Variants in ENC1 observed in about 807,000 individuals in gnomAD.
ENC1 encodes ectoderm-neural cortex protein 1.
In ENC1, 19 loss-of-function variants were observed where a neutral mutation model predicts 40.9. The observed-to-expected ratio is 0.46, with a 90% confidence interval of 0.32 to 0.68. The LOEUF is 0.68. Among genes scored for constraint, ENC1 ranks in the 30% least tolerant of loss-of-function variants. The pLI is 0.03. For missense variants in ENC1, 479 were observed against 737.5 expected, an observed-to-expected ratio of 0.65 and a Z score of 4.06; for synonymous variants, 285 against 291.1, an observed-to-expected ratio of 0.98 and a Z score of 0.21.
Position 74,628,557 on chromosome 5 carries a change from G to C in ENC1, c.*1468C>G, listed in dbSNP as rs1273489877. On this transcript the variant is annotated 3_prime_UTR_variant, in exon 3 of 3. Coordinates refer to ENST00000302351, the MANE Select transcript of ENC1 (RefSeq NM_003633.4). The stretch of plus-strand genomic sequence containing the variant: ...CTCTACCGGAAAACTTCTCAATAGG[G>C]GCCACTGCCTACAATTCTTTGGTGT... The C allele has an allele frequency of 6.6e-6, 1 of 152,508 alleles. No individual in the cohort carries two copies. Among genetic ancestry groups the C allele is most frequent in the Non-Finnish European group, 1.5e-5 (1 of 68,032 alleles). The allele number at this position is 152,508 out of a possible 1,614,324, so 9.4% of individuals were successfully genotyped here. A position where few individuals can be genotyped will look rare whatever the true frequency, so the allele number is the denominator to read the frequency against.
intron 2 of ENC1, among the ~76,000 whole-genome samples, chr5:74,630,876 C>T (rs1747368344): frequency 6.6e-6 from 1 of 152,204 alleles, no homozygotes; most frequent in South Asian, 2.1e-4. Context: ...AGGAGCCACT[C>T]ATGACCTTGC....
intron 1 of ENC1, chr5:74,639,907 G>C (rs1747778173): frequency 6.6e-6 from 1 of 152,324 alleles, no homozygotes; most frequent in South Asian, 2.1e-4. Flanking sequence ...AAGCCGGGGA[G>C]GATGCAACGT....
In ENC1 at chr5:74,628,117, C is replaced by T. The variant is rs1747264086; in HGVS notation, c.*1908G>A. On this transcript the variant is annotated 3_prime_UTR_variant, in exon 3 of 3. Transcript: ENST00000302351. ...CCACTGGGGGACAATTAGACATTTGCATTGCTTAGAACACATCTAGGAACC... is the reference window on the plus strand; with the variant it reads ...CCACTGGGGGACAATTAGACATTTGTATTGCTTAGAACACATCTAGGAACC... The T allele has an allele frequency of 6.6e-6, 1 of 152,574 alleles. No homozygotes were observed. Among genetic ancestry groups the T allele is most frequent in the African/African-American group, 2.4e-5 (1 of 41,462 alleles). The allele number at this position is 152,574 out of a possible 1,614,324, so 9.5% of individuals were successfully genotyped here.
In ENC1 at chr5:74,634,791, C is replaced by T. The variant is rs539547766; in HGVS notation, c.1695G>A (p.Trp565Ter). 1 of 1,614,068 alleles carries T rather than the reference C, an allele frequency of 6.2e-7. No individual in the cohort carries two copies. The highest frequency in any genetic ancestry group is 8.5e-7 in the Non-Finnish European group (1 of 1,179,944). ...LDCYDPTLDV[W>*]NSITTVPYSL... ...AGTACGGGACAGTGGTGATGCTGTT[C>T]CACACGTCTAATGTTGGATCGTAGC... The change falls in exon 2 of 3, where the codon TGG (tryptophan) becomes TGA (stop). Residue 565 changes from tryptophan (W) to a stop codon, truncating the protein, a stop_gained. Coordinates refer to ENST00000302351, the MANE Select transcript of ENC1 (RefSeq NM_003633.4). LOFTEE classifies it high-confidence loss of function.
At position 74,635,558 on chromosome 5, in the gene ENC1, A is replaced by G; in HGVS notation, c.928T>C (p.Leu310=). 6.2e-7 allele frequency: 1 copy of G among 1,614,172 alleles called. No homozygotes were observed. Among genetic ancestry groups the G allele is most frequent in the Non-Finnish European group, 8.5e-7 (1 of 1,180,018 alleles). Residue 310 remains leucine (L), a synonymous_variant, in exon 2 of 3, where the codon TTG becomes CTG. Coordinates refer to ENST00000302351, the MANE Select transcript of ENC1 (RefSeq NM_003633.4). The surrounding 1 kb of genome is among the most constrained non-coding windows in gnomAD (Gnocchi z 5.5). ...TTGGCCTTCTGGTCTACCAGATACA[A>G]CTTGTCACACATGAAAGTCTGTCCT... The part of the protein sequence containing the change: ...LGGQTFMCDK[L]YLVDQKAKEI...
rs1437493206 is a variant in ENC1, at chr5:74,640,544, C to G, written c.-251G>C. On this transcript the variant is annotated 5_prime_UTR_variant, in exon 1 of 3. Coordinates refer to ENST00000302351, the MANE Select transcript of ENC1 (RefSeq NM_003633.4). The stretch of plus-strand genomic sequence containing the variant: ...GGTGTCCAGGACCCGCAGAGCGTCT[C>G]CGGAGCGCGTCACGGTAGGGCAGAG... 6.6e-6 allele frequency: 1 copy of G among 152,204 alleles called. No individual in the cohort carries two copies. Among genetic ancestry groups the G allele is most frequent in the Admixed American group, 6.5e-5 (1 of 15,286 alleles). The allele number at this position is 152,204 out of a possible 1,614,324, so 9.4% of individuals were successfully genotyped here. A position where few individuals can be genotyped will look rare whatever the true frequency, so the allele number is the denominator to read the frequency against.
intron 2 of ENC1, among the ~76,000 whole-genome samples, chr5:74,633,778 C>A (rs1483981001): frequency 4.6e-5 from 7 of 151,652 alleles, no homozygotes. Flanking sequence ...AGACCCCCTG[C>A]ATTGACTTCC....
In ENC1 at chr5:74,640,463, G is replaced by A. The variant is rs1442773174; in HGVS notation, c.-170C>T. On this transcript the variant is annotated 5_prime_UTR_variant, in exon 1 of 3. Transcript: ENST00000302351. Reference sequence around the variant, plus strand: ...AGGACTGCGCCCCGAACGATGGCTCGCGGACCGGCTACCGATGGCGTTCGC... The same window carrying A: ...AGGACTGCGCCCCGAACGATGGCTCACGGACCGGCTACCGATGGCGTTCGC... 2 of 152,256 alleles carry A rather than the reference G, an allele frequency of 1.3e-5. No homozygotes were observed. The highest frequency in any genetic ancestry group is 6.5e-5 in the Admixed American group (1 of 15,290). The allele number at this position is 152,256 out of a possible 1,614,324, so 9.4% of individuals were successfully genotyped here.
intron 1 of ENC1, among the ~76,000 whole-genome samples, chr5:74,639,736 C>A (rs1747765908): frequency 6.6e-6 from 1 of 152,008 alleles, no homozygotes; most frequent in South Asian, 2.1e-4. Context: ...GTTTCATCTC[C>A]AGGCCCACCA....
Position 74,628,396 on chromosome 5 carries a change from C to G in ENC1, c.*1629G>C, listed in dbSNP as rs1319908349. Reference sequence around the variant, plus strand: ...GTGAGAAACATGGACGAAAGCAGTTCGAGTTGCAAACTTTGGTCTTCCCCT... The same window carrying G: ...GTGAGAAACATGGACGAAAGCAGTTGGAGTTGCAAACTTTGGTCTTCCCCT... On this transcript the variant is annotated 3_prime_UTR_variant, in exon 3 of 3. Coordinates refer to ENST00000302351, the MANE Select transcript of ENC1 (RefSeq NM_003633.4). The G allele has an allele frequency of 6.5e-6, 1 of 152,736 alleles. No homozygotes were observed. The highest frequency in any genetic ancestry group is 2.4e-5 in the African/African-American group (1 of 41,558). 9.5% of individuals were successfully genotyped at this position (152,736 alleles called of 1,614,324 possible).
intron 1 of ENC1, among the ~76,000 whole-genome samples, chr5:74,638,797 C>A (rs1219959562): frequency 1.3e-5 from 2 of 152,230 alleles, no homozygotes; most frequent in African/African-American, 4.8e-5. Flanking sequence ...CCGCCTCTCT[C>A]AGAGCAAATG....
chr5:74,635,513 C>T lies in ENC1; in HGVS notation c.973G>A (p.Asp325Asn). 6.2e-7 allele frequency: 1 copy of T among 1,614,184 alleles called. No homozygotes were observed. The highest frequency in any genetic ancestry group is 8.5e-7 in the Non-Finnish European group (1 of 1,180,038). The change falls in exon 2 of 3, where the codon GAC becomes AAC. Residue 325 changes from aspartate (D) to asparagine (N), a missense_variant. Coordinates refer to ENST00000302351, the MANE Select transcript of ENC1 (RefSeq NM_003633.4). This position sits in a 1 kb window ranked among gnomAD's most constrained non-coding sequence, Gnocchi z 5.5. Reference sequence around the variant, plus strand: ...AACTCTTTTCTTGGGCTGGGAATGTCAGCCTTGGGAATGATTTCTTTGGCC... The same window carrying T: ...AACTCTTTTCTTGGGCTGGGAATGTTAGCCTTGGGAATGATTTCTTTGGCC... ...QKAKEIIPKA[D>N]IPSPRKEFSA...
intron 2 of ENC1, among the ~76,000 whole-genome samples, chr5:74,631,976 T>C (rs907645203): frequency 2.6e-5 from 4 of 152,184 alleles, no homozygotes; most frequent in African/African-American, 7.2e-5. Flanking sequence ...CCCCTATCAA[T>C]TGACCCAAGT....
Position 74,635,139 on chromosome 5 carries a change from GA to G in ENC1, c.1346del (p.Phe449SerfsTer76). 1 of 1,614,208 alleles carries G rather than the reference GA, an allele frequency of 6.2e-7. No homozygotes were observed. Among genetic ancestry groups the G allele is most frequent in the Non-Finnish European group, 8.5e-7 (1 of 1,180,034 alleles). Reference protein sequence around the residue: ...VVSAKLKLFAFGGTSVSHDKL... With the variant: ...VVSAKLKLFAXGGTSVSHDKL... Reference sequence around the variant, plus strand: ...TGTCATGACTGACACTGGTACCTCCGAAAGCAAATAACTTAAGTTTGGCACT... The same window carrying G: ...TGTCATGACTGACACTGGTACCTCCGAAGCAAATAACTTAAGTTTGGCACT... On this transcript the variant is annotated frameshift_variant, in exon 2 of 3. Transcript: ENST00000302351. LOFTEE classifies it high-confidence loss of function. The surrounding 1 kb of genome is among the most constrained non-coding windows in gnomAD (Gnocchi z 5.5).
Position 74,634,956 on chromosome 5 carries a change from T to C in ENC1, c.1530A>G (p.Lys510=). Residue 510 remains lysine (K), a synonymous_variant, in exon 2 of 3, where the codon AAA becomes AAG. Transcript: ENST00000302351. ...DTEFSACSAY[K]FNSETYQWTK... Reference sequence around the variant, plus strand: ...TCCACTGGTAAGTCTCACTGTTGAATTTATAAGCAGAGCAGGCAGAGAATT... The same window carrying C: ...TCCACTGGTAAGTCTCACTGTTGAACTTATAAGCAGAGCAGGCAGAGAATT... 6.2e-7 allele frequency: 1 copy of C among 1,614,156 alleles called. No individual in the cohort carries two copies. Among genetic ancestry groups the C allele is most frequent in the Non-Finnish European group, 8.5e-7 (1 of 1,180,018 alleles).
At chr5:74,634,110 A>G (rs1327913314) in intron 2 of ENC1, among the ~76,000 whole-genome samples, 2 of 152,100 alleles carry the variant, frequency 1.3e-5, no homozygotes, top group East Asian at 1.9e-4. Context: ...TGGGATGGGC[A>G]GTTTTTAAAA....
Position 74,628,126 on chromosome 5 carries a change from G to C in ENC1, c.*1899C>G, listed in dbSNP as rs1407591776. 1 of 152,572 alleles carries C rather than the reference G, an allele frequency of 6.6e-6. No individual in the cohort carries two copies. Among genetic ancestry groups the C allele is most frequent in the Non-Finnish European group, 1.5e-5 (1 of 68,044 alleles). The allele number at this position is 152,572 out of a possible 1,614,324, so 9.5% of individuals were successfully genotyped here. On this transcript the variant is annotated 3_prime_UTR_variant, in exon 3 of 3. Transcript: ENST00000302351. ...GACAATTAGACATTTGCATTGCTTA[G>C]AACACATCTAGGAACCAGGGACTGA...
rs543930122 is a variant in ENC1, at chr5:74,636,670, C to T, written c.-13-172G>A. 8.6e-5 allele frequency among the ~76,000 whole-genome samples: 13 copies of T among 151,894 alleles called. No individual in the cohort carries two copies. The highest frequency in any genetic ancestry group is 1.9e-4 in the East Asian group (1 of 5,176). ...CAGGACAAAGCCAGAGACAACTACCCGGAAGGAAGGATATTCACTGCTAAT... is the reference window on the plus strand; with the variant it reads ...CAGGACAAAGCCAGAGACAACTACCTGGAAGGAAGGATATTCACTGCTAAT... On this transcript the variant is annotated intron_variant, in intron 1 of 2. Coordinates refer to ENST00000302351, the MANE Select transcript of ENC1 (RefSeq NM_003633.4). This position sits in a 1 kb window ranked among gnomAD's most constrained non-coding sequence, Gnocchi z 4.8.
intron 2 of ENC1, among the ~76,000 whole-genome samples, chr5:74,634,269 T>C (rs1323035143): frequency 6.6e-6 from 1 of 151,888 alleles, no homozygotes; most frequent in Non-Finnish European, 1.5e-5. Context: ...AAAAATTAGC[T>C]AGGCCTGGTG....
Sources: gnomAD v4.1 joint callset for allele counts (sites outside exome capture counted in the v4.1 genomes callset) on GRCh38, gnomAD v4.1.1 for gene constraint, Gnocchi (gnomAD v3.1) non-coding constraint, MANE v1.5 for transcripts, NCBI Gene and HGNC (gene_info 2026-07-23, HGNC 2026-07-21) for gene names.